The following ARHGEF4 variants were observed in gnomAD, a reference collection of about 807,000 sequenced individuals.
ARHGEF4 encodes the protein APC-stimulated guanine nucleotide exchange factor 1.
ARHGEF4 carries 119 observed loss-of-function variants against 162.0 expected under a neutral mutation model. That is an observed-to-expected ratio of 0.73 (90% CI 0.63 to 0.86). The LOEUF (loss-of-function observed/expected upper bound fraction) is 0.86, where lower values mean the gene tolerates loss of function less well. Ranked by LOEUF, ARHGEF4 falls within the 40% of genes least tolerant of loss-of-function variation. The pLI is 0.00. For missense variants in ARHGEF4, 2,488 were observed against 2,456.0 expected (o/e 1.01, Z -0.28); for synonymous variants, 1,014 against 979.9 (o/e 1.03, Z -0.65).
At chr2:130,999,701 T>C (rs1687646242) in intron 4 of ARHGEF4, among the ~76,000 whole-genome samples, 1 of 152,160 alleles carries the variant, frequency 6.6e-6, no homozygotes, top group South Asian at 2.1e-4. Context: ...CTTTTTTGTT[T>C]TGTTTTGTTT....
rs924454795 is a variant in ARHGEF4 at position 130,916,107 on chromosome 2, G to T, written c.2161G>T (p.Ala721Ser). 2 of 1,549,960 alleles carry T rather than the reference G, an allele frequency of 1.3e-6. No homozygotes were observed. Among genetic ancestry groups the T allele is most frequent in the Non-Finnish European group, 8.7e-7 (1 of 1,146,932 alleles). ...AELGRVLVPQ[A>S]ASEETPSTEE... ...GCTTGGGAGAGTGCTGGTCCCCCAAGCTGCTTCGGAAGAGACGCCGAGCAC... is the reference window on the plus strand; with the variant it reads ...GCTTGGGAGAGTGCTGGTCCCCCAATCTGCTTCGGAAGAGACGCCGAGCAC... Residue 721 changes from alanine (A) to serine (S), a missense_variant, in exon 2 of 14, where the codon GCT becomes TCT. This residue lies in a region of ARHGEF4 where 1,642 missense variants were observed against 1,481.5 expected (regional missense o/e 1.11). Transcript: ENST00000409359.
intron 4 of ARHGEF4, among the ~76,000 whole-genome samples, chr2:130,987,083 G>T (rs1237463143): frequency 6.6e-6 from 1 of 152,238 alleles, no homozygotes; most frequent in Non-Finnish European, 1.5e-5. Flanking sequence ...CCCCACAGTG[G>T]GGAGGAGCCA....
intron 2 of ARHGEF4, among the ~76,000 whole-genome samples, chr2:130,923,903 C>A (rs1261006014): frequency 7.1e-6 from 1 of 140,944 alleles, no homozygotes; most frequent in East Asian, 2.1e-4. Flanking sequence ...TTTTTTGAGA[C>A]GGAGTCTTGC....
chr2:130,847,648 C>T (rs1447281938), intron 1 of ARHGEF4, among the ~76,000 whole-genome samples: 11 of 152,226 alleles, frequency 7.2e-5, no homozygotes, highest in Admixed American at 7.2e-4. Flanking sequence ...AGGGCCTGAC[C>T]CCCTGAAGCA....
chr2:130,867,406 T>G (rs1392964342), intron 1 of ARHGEF4, among the ~76,000 whole-genome samples: 1 of 151,754 alleles, frequency 6.6e-6, no homozygotes, highest in Non-Finnish European at 1.5e-5. Flanking sequence ...CCTGGCTAAT[T>G]TTTGTATTTT....
rs933140861 is a variant in ARHGEF4, at chr2:131,001,238, A to C, written c.3986-26707A>C. ...GAATATCTTGAACCTAGGAGGCGGA[A>C]GTTGCAGTGAGCTGAGATTGCACCA... On this transcript the variant is annotated intron_variant, in intron 4 of 13. Coordinates refer to ENST00000409359, the MANE Select transcript of ARHGEF4 (RefSeq NM_001367493.1). Among the ~76,000 whole-genome samples, 9 of 134,990 alleles carry C rather than the reference A, an allele frequency of 6.7e-5. No homozygotes were observed. In the Admixed American group the frequency reaches 7.4e-4, roughly 11 times the overall value. The allele number at this position is 134,990 out of a possible 152,430, so 88.6% of individuals were successfully genotyped here. A position where few individuals can be genotyped will look rare whatever the true frequency, so the allele number is the denominator to read the frequency against.
At chr2:130,842,535 C>T (rs1316882188) in intron 1 of ARHGEF4, among the ~76,000 whole-genome samples, 1 of 152,212 alleles carries the variant, frequency 6.6e-6, no homozygotes, top group Non-Finnish European at 1.5e-5. Context: ...GCGCACCCGG[C>T]AGTCCTTGGA....
intron 1 of ARHGEF4, among the ~76,000 whole-genome samples, chr2:130,871,624 A>C (rs1220759636): frequency 6.6e-6 from 1 of 150,648 alleles, no homozygotes; most frequent in Non-Finnish European, 1.5e-5. Flanking sequence ...TGCTTTCAGA[A>C]ATTTTTAGGA....
At chr2:130,912,172 T>C (rs1348341799) in intron 1 of ARHGEF4, among the ~76,000 whole-genome samples, 3 of 152,224 alleles carry the variant, frequency 2.0e-5, no homozygotes, top group African/African-American at 7.2e-5. Context: ...TCTGTGCTTG[T>C]CCGGGCGTGC....
chr2:130,882,265 G>GGCCT (rs1197676372), intron 1 of ARHGEF4, among the ~76,000 whole-genome samples: 3 of 152,060 alleles, frequency 2.0e-5, no homozygotes, highest in Non-Finnish European at 4.4e-5. Flanking sequence ...GGCCCAGGAG[G>GGCCT]GCCTGTTCCT....
At chr2:131,019,744 C>T (rs1263799739) in intron 4 of ARHGEF4, among the ~76,000 whole-genome samples, 28 of 152,280 alleles carry the variant, frequency 1.8e-4, no homozygotes, top group Non-Finnish European at 4.4e-5. Flanking sequence ...TGCCATTCTC[C>T]TGCCTCAGCC....
At chr2:131,005,635 A>G (rs1414829956) in intron 4 of ARHGEF4, among the ~76,000 whole-genome samples, 2 of 151,166 alleles carry the variant, frequency 1.3e-5, no homozygotes, top group Non-Finnish European at 3.0e-5. Context: ...TTGGCCACGT[A>G]CCCCGCAGCG....
At chr2:130,855,876 T>C (rs1306569691) in intron 1 of ARHGEF4, among the ~76,000 whole-genome samples, 2 of 152,062 alleles carry the variant, frequency 1.3e-5, no homozygotes, top group Non-Finnish European at 2.9e-5. Flanking sequence ...ACCATAACAA[T>C]ATCAACAACC....
chr2:131,003,791 A>C (rs1687929891), intron 4 of ARHGEF4, among the ~76,000 whole-genome samples: 1 of 152,252 alleles, frequency 6.6e-6, no homozygotes, highest in Non-Finnish European at 1.5e-5. Flanking sequence ...TAGATATGTC[A>C]GTCAGCTAAT....
At chr2:131,010,611 T>C (rs1016600772) in intron 4 of ARHGEF4, among the ~76,000 whole-genome samples, 7 of 152,232 alleles carry the variant, frequency 4.6e-5, no homozygotes, top group African/African-American at 1.7e-4. Flanking sequence ...TTGGACAGCA[T>C]TGCATGCTAC....
At chr2:130,912,364 C>T (rs191357096) in intron 1 of ARHGEF4, among the ~76,000 whole-genome samples, 1 of 152,218 alleles carries the variant, frequency 6.6e-6, no homozygotes, top group Non-Finnish European at 1.5e-5. Context: ...AACCACACAG[C>T]CCTCCTTCCC....
intron 4 of ARHGEF4, among the ~76,000 whole-genome samples, chr2:131,016,854 C>G (rs1216726085): frequency 6.6e-6 from 1 of 152,198 alleles, no homozygotes; most frequent in Non-Finnish European, 1.5e-5. Context: ...GAAAGAGATG[C>G]ATAAGGAGGA....
chr2:130,976,506 C>G (rs1253792099), intron 4 of ARHGEF4, among the ~76,000 whole-genome samples: 3 of 152,142 alleles, frequency 2.0e-5, no homozygotes, highest in Non-Finnish European at 4.4e-5. Flanking sequence ...AGTCGGGAGG[C>G]CTTTCAAGCA....
intron 3 of ARHGEF4, among the ~76,000 whole-genome samples, chr2:130,941,882 A>G (rs1425173012): frequency 1.3e-5 from 2 of 152,114 alleles, no homozygotes; most frequent in Non-Finnish European, 2.9e-5. Context: ...GTTGTTCAAG[A>G]GTCAACTGTA....
Sources: gnomAD v4.1 joint callset for allele counts (sites outside exome capture counted in the v4.1 genomes callset) on GRCh38, gnomAD v4.1.1 for gene constraint, gnomAD v4.1.1 regional missense constraint, MANE v1.5 for transcripts, NCBI Gene and HGNC (gene_info 2026-07-23, HGNC 2026-07-21) for gene names.